The following TRPM3 variants were observed in gnomAD, a reference collection of about 807,000 sequenced individuals.
TRPM3 encodes transient receptor potential cation channel subfamily M member 3, also known as long transient receptor potential channel 3.
A neutral mutation model predicts 181.2 loss-of-function variants in TRPM3; 77 were observed. The observed-to-expected ratio is 0.42, with a 90% CI of 0.35 to 0.51. The LOEUF (loss-of-function observed/expected upper bound fraction) is 0.51. Among genes scored for constraint, TRPM3 ranks in the 20% least tolerant of loss-of-function variants. The pLI is 0.01. For synonymous variants in TRPM3, 745 were observed against 796.4 expected (o/e 0.94, Z 1.09); for missense variants, 1,759 against 2,196.7 (o/e 0.80, Z 3.98).
intron 1 of TRPM3, among the ~76,000 whole-genome samples, chr9:71,181,280 G>A (rs866419413): frequency 1.3e-5 from 2 of 151,852 alleles, no homozygotes; most frequent in Middle Eastern, 3.2e-3. Flanking sequence ...GCCCTAGAAG[G>A]AAAAGTAGAT....
At chr9:71,206,115 A>G (rs1371240743) in intron 1 of TRPM3, among the ~76,000 whole-genome samples, 2 of 152,206 alleles carry the variant, frequency 1.3e-5, no homozygotes, top group Non-Finnish European at 2.9e-5. Context: ...TATACCAGAA[A>G]TGGGATTGCT....
intron 18 of TRPM3, among the ~76,000 whole-genome samples, chr9:70,614,757 G>A (rs1438680160): frequency 2.0e-5 from 3 of 152,098 alleles, no homozygotes; most frequent in Non-Finnish European, 2.9e-5. Flanking sequence ...TAGGTAATGG[G>A]GCAGGATTCT....
chr9:71,181,489 A>G (rs1346100683), intron 1 of TRPM3, among the ~76,000 whole-genome samples: 1 of 152,064 alleles, frequency 6.6e-6, no homozygotes, highest in Non-Finnish European at 1.5e-5. Context: ...CAAATAGGAA[A>G]TACATAGCTT....
intron 1 of TRPM3, among the ~76,000 whole-genome samples, chr9:71,008,694 A>T (rs2097705204): frequency 6.6e-6 from 1 of 152,094 alleles, no homozygotes; most frequent in South Asian, 2.1e-4. Flanking sequence ...AATACAAAAA[A>T]ATTAGCTGGG....
At chr9:70,816,153 T>G (rs1198255006) in intron 6 of TRPM3, among the ~76,000 whole-genome samples, 1 of 152,240 alleles carries the variant, frequency 6.6e-6, no homozygotes, top group East Asian at 1.9e-4. Context: ...TATCTTGATC[T>G]CTAAAACAAA....
At chr9:70,913,158 T>C (rs1322422812) in intron 1 of TRPM3, among the ~76,000 whole-genome samples, 4 of 152,220 alleles carry the variant, frequency 2.6e-5, no homozygotes, top group Non-Finnish European at 5.9e-5. Flanking sequence ...TTTTGTTTTC[T>C]TTTCCAAATT....
At chr9:70,886,800 G>C (rs1344225956) in intron 1 of TRPM3, among the ~76,000 whole-genome samples, 2 of 152,006 alleles carry the variant, frequency 1.3e-5, no homozygotes, top group Non-Finnish European at 2.9e-5. Context: ...GTGTAGCTGG[G>C]ATTATAGGCC....
chr9:71,342,461 G>C (rs2091024011), intron 1 of TRPM3, among the ~76,000 whole-genome samples: 1 of 151,392 alleles, frequency 6.6e-6, no homozygotes. Context: ...ACACAATTGA[G>C]TATTATACAG....
intron 1 of TRPM3, among the ~76,000 whole-genome samples, chr9:70,925,770 C>G (rs73465074): frequency 2.0e-5 from 3 of 151,810 alleles, no homozygotes; most frequent in Non-Finnish European, 4.4e-5. Flanking sequence ...TCAGCCAGCG[C>G]GGGAGAGATA....
intron 8 of TRPM3, among the ~76,000 whole-genome samples, chr9:70,752,513 G>A (rs866641240): frequency 1.3e-5 from 2 of 152,236 alleles, no homozygotes; most frequent in Middle Eastern, 3.4e-3. Context: ...TTAAACATGA[G>A]GCAAAAAGCA....
At chr9:71,309,014 GTGCTGCTACATA>G (rs897463152) in intron 1 of TRPM3, among the ~76,000 whole-genome samples, 7 of 152,124 alleles carry the variant, frequency 4.6e-5, no homozygotes, top group Admixed American at 6.6e-5. Context: ...ATATTTAGAG[GTGCTGCTACATA>G]TGCTGCTACA....
intron 8 of TRPM3, among the ~76,000 whole-genome samples, chr9:70,688,949 C>T (rs1746671834): frequency 6.6e-6 from 1 of 152,200 alleles, no homozygotes; most frequent in Non-Finnish European, 1.5e-5. Context: ...CTAGTCCTTG[C>T]TCAGTAAGCA....
At chr9:70,754,169 G>T (rs550584134) in intron 8 of TRPM3, among the ~76,000 whole-genome samples, 1 of 152,276 alleles carries the variant, frequency 6.6e-6, no homozygotes, top group African/African-American at 2.4e-5. Flanking sequence ...AGCTGGCACT[G>T]CCCTCTGGAA....
At chr9:70,998,113 CTAAT>C (rs1564932484) in intron 1 of TRPM3, among the ~76,000 whole-genome samples, 1 of 148,172 alleles carries the variant, frequency 6.7e-6, no homozygotes, top group African/African-American at 2.5e-5. Context: ...ATATAATGCT[CTAAT>C]TGTTTATATA....
At chr9:70,950,085 C>G (rs2096981801) in intron 1 of TRPM3, among the ~76,000 whole-genome samples, 1 of 152,086 alleles carries the variant, frequency 6.6e-6, no homozygotes, top group Non-Finnish European at 1.5e-5. Flanking sequence ...TTGAAGCCTC[C>G]CTTCACAGTC....
intron 17 of TRPM3, 70 bp downstream of exon 17, chr9:70,618,797 T>C (rs1348644305): frequency 6.6e-6 from 9 of 1,367,654 alleles, no homozygotes; most frequent in Non-Finnish European, 9.2e-6. Flanking sequence ...CCATGGCAGA[T>C]TTTGGCTGGG....
At chr9:71,332,410 T>G (rs1442505213) in intron 1 of TRPM3, among the ~76,000 whole-genome samples, 1 of 150,770 alleles carries the variant, frequency 6.6e-6, no homozygotes, top group Non-Finnish European at 1.5e-5. Flanking sequence ...TGTGTGTGTG[T>G]GTTTCAGCAC....
chr9:71,041,598 G>A (rs796161716), intron 1 of TRPM3, among the ~76,000 whole-genome samples: 17 of 152,154 alleles, frequency 1.1e-4, no homozygotes, highest in African/African-American at 3.6e-4. Context: ...TTTCCCACTC[G>A]ACCCAGCTCA....
At chr9:70,917,965 C>T (rs997887271) in intron 1 of TRPM3, among the ~76,000 whole-genome samples, 1 of 150,760 alleles carries the variant, frequency 6.6e-6, no homozygotes, top group Non-Finnish European at 1.5e-5. Context: ...ATATTTCATG[C>T]CAAAGGAAAA....
Sources: allele counts gnomAD v4.1 joint callset (sites outside exome capture counted in the v4.1 genomes callset), GRCh38; gene constraint gnomAD v4.1.1; transcripts MANE v1.5; gene names NCBI Gene and HGNC (gene_info 2026-07-23, HGNC 2026-07-21).